SLC43A2: variants seen among roughly 807,000 people sequenced by gnomAD.
SLC43A2 encodes large neutral amino acids transporter small subunit 4.
Under a neutral mutation model 63.2 loss-of-function variants are expected in SLC43A2, and 38 were observed. That is an observed-to-expected ratio of 0.60 (90% CI 0.46 to 0.79). The LOEUF is 0.79. Among genes scored for constraint, SLC43A2 ranks in the 30% least tolerant of loss-of-function variants. The pLI is 0.00. For synonymous variants in SLC43A2, 322 were observed against 331.0 expected, an observed-to-expected ratio of 0.97 and a Z score of 0.30; for missense variants, 644 against 756.2, an observed-to-expected ratio of 0.85 and a Z score of 1.74.
chr17:1,597,129 T>C (rs980637255), intron 5 of SLC43A2, among the ~76,000 whole-genome samples: 1 of 151,770 alleles, frequency 6.6e-6, no homozygotes, highest in Admixed American at 6.6e-5. Flanking sequence ...GGCAGGAGAA[T>C]CACTTGAACC....
Position 1,578,584 on chromosome 17 carries a change from G to C in SLC43A2, c.1351-261C>G. ...GCTTTGTCGCCCAGGCTGGAGTGCAGTGGCGTGATCTTGGCTCACTGCAAG... is the reference window on the plus strand; with the variant it reads ...GCTTTGTCGCCCAGGCTGGAGTGCACTGGCGTGATCTTGGCTCACTGCAAG... On this transcript the variant is annotated intron_variant, in intron 11 of 13. Coordinates refer to ENST00000301335, the MANE Select transcript of SLC43A2 (RefSeq NM_152346.3). This position sits in a 1 kb window ranked among gnomAD's most constrained non-coding sequence, Gnocchi z 6.5. 1 of 474,260 alleles carries C rather than the reference G, an allele frequency of 2.1e-6. No individual in the cohort carries two copies. Among genetic ancestry groups the C allele is most frequent in the Non-Finnish European group, 3.8e-6 (1 of 262,292 alleles). The allele number at this position is 474,260 out of a possible 1,614,324, so 29.4% of individuals were successfully genotyped here. A position where few individuals can be genotyped will look rare whatever the true frequency, so the allele number is the denominator to read the frequency against.
intron 5 of SLC43A2, among the ~76,000 whole-genome samples, chr17:1,600,544 T>A (rs2151058517): frequency 7.6e-6 from 1 of 131,100 alleles, no homozygotes; most frequent in South Asian, 2.4e-4. Context: ...TTTTTTTTCT[T>A]TCCTCTTTTT....
rs2076047025 is a variant in SLC43A2 at position 1,583,187 on chromosome 17, C to CCA, written c.1350+15_1350+16dup. The CCA allele has an allele frequency of 1.2e-6, 2 of 1,611,340 alleles. No individual in the cohort carries two copies. The highest frequency in any genetic ancestry group is 1.7e-5 in the Admixed American group (1 of 59,938). The stretch of plus-strand genomic sequence containing the variant: ...CTGCCCCACCTCCCACCTGCCCCTC[C>CCA]CACTCCCCACACCCACCTGGAGAGG... On this transcript the variant is annotated intron_variant, in intron 11 of 13. Transcript: ENST00000301335. The surrounding 1 kb of genome is among the most constrained non-coding windows in gnomAD (Gnocchi z 5.5).
In SLC43A2 at chr17:1,575,298, G is replaced by A; in HGVS notation, c.*306C>T. The A allele has an allele frequency of 2.1e-6, 1 of 477,070 alleles. No individual in the cohort carries two copies. Among genetic ancestry groups the A allele is most frequent in the Non-Finnish European group, 3.8e-6 (1 of 263,394 alleles). 29.6% of individuals were successfully genotyped at this position (477,070 alleles called of 1,614,324 possible). ...GCAGAATCCAGACACTGGCGGGAGA[G>A]CGCCTGCCTGCCGGGCGTTCCTGGC... On this transcript the variant is annotated 3_prime_UTR_variant, in exon 14 of 14. Coordinates refer to ENST00000301335, the MANE Select transcript of SLC43A2 (RefSeq NM_152346.3).
Position 1,572,073 on chromosome 17 carries a change from G to A in SLC43A2, c.*3531C>T, listed in dbSNP as rs1052287038. On this transcript the variant is annotated 3_prime_UTR_variant, in exon 14 of 14. Coordinates refer to ENST00000301335, the MANE Select transcript of SLC43A2 (RefSeq NM_152346.3). Reference sequence around the variant, plus strand: ...CAGCTGTAGTCCCTTCCCCTTCACAGGGCACTTGTCTTGCTGGTTGGGGTC... The same window carrying A: ...CAGCTGTAGTCCCTTCCCCTTCACAAGGCACTTGTCTTGCTGGTTGGGGTC... 3 of 152,488 alleles carry A rather than the reference G, an allele frequency of 2.0e-5. No homozygotes were observed. The highest frequency in any genetic ancestry group is 7.2e-5 in the African/African-American group (3 of 41,456). 9.4% of individuals were successfully genotyped at this position (152,488 alleles called of 1,614,324 possible).
Position 1,610,198 on chromosome 17 carries a change from G to A in SLC43A2, c.501+2997C>T, listed in dbSNP as rs372963581. Among the ~76,000 whole-genome samples the A allele has an allele frequency of 3.9e-5, 6 of 152,140 alleles. No homozygotes were observed. The East Asian group carries it at 7.7e-4, about 20-fold the overall frequency. Reference sequence around the variant, plus strand: ...CTCCCAAAGTGCTGGGATTACAGGTGTGAGCCACTGCGCCTGGCAGGCTCA... The same window carrying A: ...CTCCCAAAGTGCTGGGATTACAGGTATGAGCCACTGCGCCTGGCAGGCTCA... On this transcript the variant is annotated intron_variant, in intron 5 of 13. Coordinates refer to ENST00000301335, the MANE Select transcript of SLC43A2 (RefSeq NM_152346.3).
chr17:1,616,675 G>A lies in SLC43A2; in HGVS notation c.255C>T (p.Asp85=), dbSNP rs767710664. 16 of 1,613,996 alleles carry A rather than the reference G, an allele frequency of 9.9e-6. No homozygotes were observed. The highest frequency in any genetic ancestry group is 7.7e-5 in the South Asian group (7 of 91,092). The part of the protein sequence containing the change: ...MNGWLSCQAQ[D]EMLNLAFTVG... Reference sequence around the variant, plus strand: ...CAGTGAAGGCCAAATTTAGCATCTCGTCCTGGGCCTGGCAGCTGAGCCAGC... The same window carrying A: ...CAGTGAAGGCCAAATTTAGCATCTCATCCTGGGCCTGGCAGCTGAGCCAGC... Residue 85 remains aspartate (D), a synonymous_variant, in exon 3 of 14, where the codon GAC becomes GAT. Transcript: ENST00000301335.
rs778765651 is a variant in SLC43A2 at position 1,576,592 on chromosome 17, C to A, written c.1548+5G>T. Reference sequence around the variant, plus strand: ...CATGACCCACCATCCCCCGACCCCTCTTACCCACAGAGGGTCTCCCTGGAG... The same window carrying A: ...CATGACCCACCATCCCCCGACCCCTATTACCCACAGAGGGTCTCCCTGGAG... On this transcript the variant is annotated splice_donor_5th_base_variant and intron_variant, in intron 13 of 13. Transcript: ENST00000301335. 13 of 1,602,858 alleles carry A rather than the reference C, an allele frequency of 8.1e-6. No individual in the cohort carries two copies. The Admixed American group carries it at 8.5e-5, about 10-fold the overall frequency.
At position 1,613,273 on chromosome 17, in the gene SLC43A2, T is replaced by C; in HGVS notation, c.425-2A>G. The C allele has an allele frequency of 6.2e-7, 1 of 1,614,020 alleles. No individual in the cohort carries two copies. Among genetic ancestry groups the C allele is most frequent in the South Asian group, 1.1e-5 (1 of 91,076 alleles). ...CGATGAAGATGAGCACGGAGAGAGC[T>C]GCAGGGACATGGAAAGCTCGTGAGT... On this transcript the variant is annotated splice_acceptor_variant, in intron 4 of 13. Coordinates refer to ENST00000301335, the MANE Select transcript of SLC43A2 (RefSeq NM_152346.3). LOFTEE classifies it high-confidence loss of function.
rs1365741348 is a variant in SLC43A2 at position 1,575,563 on chromosome 17, T to C, written c.*41A>G. On this transcript the variant is annotated 3_prime_UTR_variant, in exon 14 of 14. Transcript: ENST00000301335. ...GAGGGGCAGGACAGGGGTCAGTCACTGAAGCACAGGCAGGAGACCGCAGTT... is the reference window on the plus strand; with the variant it reads ...GAGGGGCAGGACAGGGGTCAGTCACCGAAGCACAGGCAGGAGACCGCAGTT... The C allele has an allele frequency of 1.2e-6, 2 of 1,613,592 alleles. No individual in the cohort carries two copies. The highest frequency in any genetic ancestry group is 2.7e-5 in the African/African-American group (2 of 74,886).
At chr17:1,582,805 G>A (rs565166051) in intron 11 of SLC43A2, among the ~76,000 whole-genome samples, 35 of 152,288 alleles carry the variant, frequency 2.3e-4, no homozygotes, top group Non-Finnish European at 3.4e-4. Flanking sequence ...AGCTGGGCAC[G>A]GTGCCTCACA....
rs774531310 is a variant in SLC43A2, at chr17:1,587,071, G to A, written c.1079-1020C>T. The A allele has an allele frequency of 1.1e-3, 606 of 557,654 alleles. 2 individuals carry two copies. Among genetic ancestry groups the A allele is most frequent in the Non-Finnish European group, 9.4e-4 (373 of 395,216 alleles). 34.5% of individuals were successfully genotyped at this position (557,654 alleles called of 1,614,324 possible). ...GGCAGGCTCACTCCATGCCCAGCACGCACTGCATTTCCCACACTGCGTTTC... is the reference window on the plus strand; with the variant it reads ...GGCAGGCTCACTCCATGCCCAGCACACACTGCATTTCCCACACTGCGTTTC... On this transcript the variant is annotated intron_variant, in intron 9 of 13. Transcript: ENST00000301335.
At chr17:1,601,637 T>C (rs1906031686) in intron 5 of SLC43A2, among the ~76,000 whole-genome samples, 1 of 150,724 alleles carries the variant, frequency 6.6e-6, no homozygotes, top group Admixed American at 6.6e-5. Flanking sequence ...ACCCCAGGCA[T>C]GCACCGCCCT....
intron 5 of SLC43A2, among the ~76,000 whole-genome samples, chr17:1,612,455 G>A (rs1907210049): frequency 6.6e-6 from 1 of 152,210 alleles, no homozygotes; most frequent in African/African-American, 2.4e-5. Flanking sequence ...GATGTTCCCT[G>A]CATTTTCCAT....
intron 3 of SLC43A2, among the ~76,000 whole-genome samples, chr17:1,615,685 T>C (rs1907559962): frequency 6.7e-6 from 1 of 148,242 alleles, no homozygotes; most frequent in Non-Finnish European, 1.5e-5. Flanking sequence ...CTACTAAAAA[T>C]ACAAAAAATT....
In SLC43A2 at chr17:1,577,550, C is replaced by G. The variant is rs1018590076; in HGVS notation, c.1424+700G>C. 1.3e-5 allele frequency among the ~76,000 whole-genome samples: 2 copies of G among 152,178 alleles called. No individual in the cohort carries two copies. The highest frequency in any genetic ancestry group is 2.4e-5 in the African/African-American group (1 of 41,438). ...ATTGGGAGAGAGTTCCGGGCTAAAT[C>G]TTAGCACATGTCAGGCTCTGCTGGC... is the stretch of plus-strand genomic sequence containing the variant. On this transcript the variant is annotated intron_variant, in intron 12 of 13. Transcript: ENST00000301335. The surrounding 1 kb of genome is among the most constrained non-coding windows in gnomAD (Gnocchi z 4.9).
rs567235224 is a variant in SLC43A2, at chr17:1,627,877, T to TGCGGC, written c.-8_-4dup. ...GCAGTGGCCAGGGTGGGCGCCATGG[T>TGCGGC]GCGGCGCGGCGCGGCTCCGGCTCCG... is the stretch of plus-strand genomic sequence containing the variant. On this transcript the variant is annotated 5_prime_UTR_variant, in exon 2 of 14. Coordinates refer to ENST00000301335, the MANE Select transcript of SLC43A2 (RefSeq NM_152346.3). 118 of 1,558,044 alleles carry TGCGGC rather than the reference T, an allele frequency of 7.6e-5. No individual in the cohort carries two copies. Among genetic ancestry groups the TGCGGC allele is most frequent in the Middle Eastern group, 3.7e-4 (2 of 5,398 alleles).
At chr17:1,576,966 A>G (rs2075943848) in intron 12 of SLC43A2, among the ~76,000 whole-genome samples, 1 of 150,914 alleles carries the variant, frequency 6.6e-6, no homozygotes, top group Non-Finnish European at 1.5e-5. Context: ...CCCAGTCCAA[A>G]CAATTCTCCT....
At chr17:1,628,871 C>A (rs1347904201), upstream of SLC43A2, 1 of 152,224 alleles carries the variant, frequency 6.6e-6, no homozygotes. Context: ...ATTCCGACCC[C>A]AAGAAGAAAA....
Sources: gnomAD v4.1 joint callset for allele counts (sites outside exome capture counted in the v4.1 genomes callset) on GRCh38, gnomAD v4.1.1 for gene constraint, Gnocchi (gnomAD v3.1) non-coding constraint, MANE v1.5 for transcripts, NCBI Gene and HGNC (gene_info 2026-07-23, HGNC 2026-07-21) for gene names.